Variants in TRAF3 observed in about 807,000 individuals in gnomAD.
TRAF3 encodes the protein TNF receptor-associated factor 3.
In TRAF3, 13 loss-of-function variants were observed where a neutral mutation model predicts 62.3. The ratio of observed to expected loss-of-function variants is 0.21; its 90% CI spans 0.14 to 0.33. The LOEUF (loss-of-function observed/expected upper bound fraction) is 0.33. Ranked by LOEUF, TRAF3 falls within the 10% of genes least tolerant of loss-of-function variation. The pLI is 1.00. For missense variants in TRAF3, 440 were observed against 741.8 expected (o/e 0.59, Z 4.73); for synonymous variants, 269 against 283.4 (o/e 0.95, Z 0.51).
intron 1 of TRAF3, among the ~76,000 whole-genome samples, chr14:102,812,779 C>G (rs920370605): frequency 6.6e-6 from 1 of 151,472 alleles, no homozygotes; most frequent in Non-Finnish European, 1.5e-5. Context: ...ATTAGCCGGG[C>G]ACGGTGGCGG....
chr14:102,831,575 T>C (rs1229323176), intron 2 of TRAF3, among the ~76,000 whole-genome samples: 1 of 152,168 alleles, frequency 6.6e-6, no homozygotes, highest in Non-Finnish European at 1.5e-5. Context: ...CTCTCCTGAG[T>C]GCTCCTGGTC....
At chr14:102,842,101 C>T (rs868555090) in intron 2 of TRAF3, among the ~76,000 whole-genome samples, 53 of 151,640 alleles carry the variant, frequency 3.5e-4, no homozygotes, top group African/African-American at 9.9e-4. Context: ...AAAAATTAGC[C>T]GGGCGTGGTG....
At chr14:102,788,727 G>C (rs1328849893) in intron 1 of TRAF3, among the ~76,000 whole-genome samples, 2 of 152,050 alleles carry the variant, frequency 1.3e-5, no homozygotes, top group Non-Finnish European at 2.9e-5. Flanking sequence ...GAGCCCAGGA[G>C]GCAAAAGTTG....
chr14:102,827,292 C>T (rs905085101), intron 1 of TRAF3, among the ~76,000 whole-genome samples: 3 of 152,192 alleles, frequency 2.0e-5, no homozygotes, highest in South Asian at 2.1e-4. Context: ...CACCGGTGCC[C>T]GCCCTGACGG....
At chr14:102,795,528 G>A (rs1428157549) in intron 1 of TRAF3, among the ~76,000 whole-genome samples, 2 of 152,078 alleles carry the variant, frequency 1.3e-5, no homozygotes, top group African/African-American at 4.8e-5. Context: ...TGAATGAGGA[G>A]AGTGAGCTAC....
At chr14:102,795,757 T>C (rs1898048537) in intron 1 of TRAF3, among the ~76,000 whole-genome samples, 1 of 152,110 alleles carries the variant, frequency 6.6e-6, no homozygotes, top group African/African-American at 2.4e-5. Context: ...AGAAGACCCT[T>C]ATTCCAGAGA....
At chr14:102,821,656 AGT>A (rs922080469) in intron 1 of TRAF3, among the ~76,000 whole-genome samples, 5 of 152,180 alleles carry the variant, frequency 3.3e-5, no homozygotes, top group Non-Finnish European at 7.4e-5. Flanking sequence ...TTGATTTCTT[AGT>A]GTGTGTGTAT....
chr14:102,836,523 T>G (rs1209942890), intron 2 of TRAF3, among the ~76,000 whole-genome samples: 1 of 152,188 alleles, frequency 6.6e-6, no homozygotes, highest in Non-Finnish European at 1.5e-5. Flanking sequence ...CAGAATATAG[T>G]TTATTTGAAA....
intron 2 of TRAF3, among the ~76,000 whole-genome samples, chr14:102,849,203 A>G (rs144895814): frequency 5.2e-4 from 79 of 152,350 alleles, no homozygotes; most frequent in Non-Finnish European, 8.1e-4. Flanking sequence ...GTCTTCAAAT[A>G]CAGTTGACAC....
At chr14:102,839,126 C>G (rs182052420) in intron 2 of TRAF3, among the ~76,000 whole-genome samples, 9 of 148,952 alleles carry the variant, frequency 6.0e-5, no homozygotes, top group African/African-American at 2.2e-4. Flanking sequence ...ATTGGGAGTT[C>G]GGAACGCCTA....
At chr14:102,797,516 G>A (rs765990414) in intron 1 of TRAF3, among the ~76,000 whole-genome samples, 6 of 152,136 alleles carry the variant, frequency 3.9e-5, no homozygotes, top group Non-Finnish European at 5.9e-5. Flanking sequence ...CAGAAACCCC[G>A]CAGTGGAAGG....
chr14:102,854,073 C>T (rs1316098226), intron 2 of TRAF3, among the ~76,000 whole-genome samples: 1 of 152,108 alleles, frequency 6.6e-6, no homozygotes, highest in Non-Finnish European at 1.5e-5. Flanking sequence ...CTATAACTTA[C>T]ATAATGTTTT....
At chr14:102,793,822 C>T (rs566503857) in intron 1 of TRAF3, among the ~76,000 whole-genome samples, 1 of 152,308 alleles carries the variant, frequency 6.6e-6, no homozygotes, top group African/African-American at 2.4e-5. Flanking sequence ...AATAAGAAAC[C>T]ACCCTAAACA....
At chr14:102,874,853 C>T (rs1413297707) in intron 4 of TRAF3, among the ~76,000 whole-genome samples, 3 of 152,008 alleles carry the variant, frequency 2.0e-5, no homozygotes, top group African/African-American at 2.4e-5. Flanking sequence ...GATAGGGTCT[C>T]ATTGTGTTGC....
intron 6 of TRAF3, among the ~76,000 whole-genome samples, chr14:102,884,702 C>T (rs1413139777): frequency 6.6e-6 from 1 of 152,020 alleles, no homozygotes; most frequent in Non-Finnish European, 1.5e-5. Flanking sequence ...GTCCCAGCTC[C>T]TCCGGAGGCT....
At chr14:102,829,471 A>G (rs556721799) in intron 1 of TRAF3, among the ~76,000 whole-genome samples, 1 of 152,314 alleles carries the variant, frequency 6.6e-6, no homozygotes, top group Non-Finnish European at 1.5e-5. Context: ...CAGGCTGAGG[A>G]ACTAGCCTGT....
chr14:102,818,812 G>T (rs1024473339), intron 1 of TRAF3, among the ~76,000 whole-genome samples: 2 of 152,154 alleles, frequency 1.3e-5, no homozygotes, highest in African/African-American at 4.8e-5. Flanking sequence ...CTAAAGAGTA[G>T]ATCTTAAATG....
chr14:102,856,042 C>G (rs138520887), intron 2 of TRAF3, among the ~76,000 whole-genome samples: 1 of 144,382 alleles, frequency 6.9e-6, no homozygotes, highest in East Asian at 2.0e-4. Flanking sequence ...CAGCAAGTCA[C>G]GTTCACACCA....
At chr14:102,779,266 CA>C (rs958411161) in intron 1 of TRAF3, among the ~76,000 whole-genome samples, 1 of 110,752 alleles carries the variant, frequency 9.0e-6, no homozygotes. Context: ...GGGAGAATTC[CA>C]GCTTTTTTTT....
Sources: gnomAD v4.1 joint callset for allele counts (sites outside exome capture counted in the v4.1 genomes callset) on GRCh38, gnomAD v4.1.1 for gene constraint, MANE v1.5 for transcripts, NCBI Gene and HGNC (gene_info 2026-07-23, HGNC 2026-07-21) for gene names.